The following EPHA7 variants were observed in gnomAD, a reference collection of about 807,000 sequenced individuals.
EPHA7 encodes ephrin type-A receptor 7.
EPHA7 carries 25 observed loss-of-function variants against 112.6 expected under a neutral mutation model. The observed-to-expected ratio is 0.22, with a 90% CI of 0.16 to 0.31. The LOEUF (loss-of-function observed/expected upper bound fraction) is 0.31. EPHA7 is among the 10% of genes least tolerant of loss of function. The pLI is 1.00. For missense variants in EPHA7, 962 were observed against 1,212.6 expected, an observed-to-expected ratio of 0.79 and a Z score of 3.07; for synonymous variants, 437 against 406.5, an observed-to-expected ratio of 1.07 and a Z score of -0.90.
chr6:93,316,569 C>T (rs1398640711), intron 5 of EPHA7, among the ~76,000 whole-genome samples: 1 of 152,058 alleles, frequency 6.6e-6, no homozygotes, highest in Non-Finnish European at 1.5e-5. Context: ...GCAATATATA[C>T]TCTTCTGAGT....
chr6:93,338,022 G>T (rs930762634), intron 5 of EPHA7, among the ~76,000 whole-genome samples: 2 of 151,848 alleles, frequency 1.3e-5, no homozygotes, highest in South Asian at 2.1e-4. Context: ...GGGAGGGAGA[G>T]AACAAAAGGG....
intron 5 of EPHA7, among the ~76,000 whole-genome samples, chr6:93,309,231 G>A (rs927513475): frequency 1.3e-5 from 2 of 152,314 alleles, no homozygotes; most frequent in Admixed American, 6.5e-5. Flanking sequence ...TTGCAGGCGT[G>A]AGCCACCGCA....
chr6:93,312,468 C>T (rs1773591140), intron 5 of EPHA7, among the ~76,000 whole-genome samples: 1 of 151,992 alleles, frequency 6.6e-6, no homozygotes, highest in African/African-American at 2.4e-5. Context: ...TGAGATTCCT[C>T]ATCTCTCTTA....
intron 5 of EPHA7, among the ~76,000 whole-genome samples, chr6:93,289,113 G>A (rs1772222212): frequency 6.6e-6 from 1 of 151,926 alleles, no homozygotes; most frequent in Non-Finnish European, 1.5e-5. Context: ...ATAAGTTCTA[G>A]GTTATTTATT....
intron 5 of EPHA7, among the ~76,000 whole-genome samples, chr6:93,280,520 C>A (rs1771680114): frequency 6.6e-6 from 1 of 152,132 alleles, no homozygotes; most frequent in African/African-American, 2.4e-5. Flanking sequence ...CACAATGTGT[C>A]ATTCAATTAT....
At chr6:93,286,543 A>G (rs542144682) in intron 5 of EPHA7, among the ~76,000 whole-genome samples, 1 of 152,138 alleles carries the variant, frequency 6.6e-6, no homozygotes, top group Non-Finnish European at 1.5e-5. Flanking sequence ...AGCAGAGGAG[A>G]GGGAGATCAC....
chr6:93,414,857 T>C (rs937598358), intron 1 of EPHA7, 90 bp from the exon 2 acceptor site: 6 of 988,304 alleles, frequency 6.1e-6, no homozygotes, highest in Non-Finnish European at 9.4e-6. Context: ...CATATAACTA[T>C]CACTATATGA....
At chr6:93,377,989 A>G (rs1392492906) in intron 3 of EPHA7, among the ~76,000 whole-genome samples, 1 of 152,098 alleles carries the variant, frequency 6.6e-6, no homozygotes, top group Non-Finnish European at 1.5e-5. Flanking sequence ...AAAGCCAATA[A>G]TAAATTAAAC....
At position 93,257,005 on chromosome 6, in the gene EPHA7, T is replaced by C. The variant is rs536072861; in HGVS notation, c.2172+457A>G. Among the ~76,000 whole-genome samples, 6 of 152,242 alleles carry C rather than the reference T, an allele frequency of 3.9e-5. No individual in the cohort carries two copies. In the East Asian group the frequency reaches 1.2e-3, roughly 29 times the overall value. The stretch of plus-strand genomic sequence containing the variant: ...TTACAAATAAACCACATACCATTAA[T>C]TTGAAAAATAATGTTAATAGTCATA... On this transcript the variant is annotated intron_variant, in intron 12 of 16. Transcript: ENST00000369303.
rs539135962 is a variant in EPHA7, at chr6:93,315,108, C to T, written c.1324+41609G>A. Among the ~76,000 whole-genome samples, 963 of 150,050 alleles carry T rather than the reference C, an allele frequency of 6.4e-3. 9 individuals carry two copies. Among genetic ancestry groups the T allele is most frequent in the Admixed American group, 0.012 (180 of 15,174 alleles). On this transcript the variant is annotated intron_variant, in intron 5 of 16. Transcript: ENST00000369303. The stretch of plus-strand genomic sequence containing the variant: ...CGATCTCCTGACCTCGTGATCCGCC[C>T]GCCTCGGCCTCCCAAAGTGCTGGGA...
chr6:93,357,537 A>G (rs1776012785), intron 4 of EPHA7, among the ~76,000 whole-genome samples: 1 of 152,230 alleles, frequency 6.6e-6, no homozygotes, highest in African/African-American at 2.4e-5. Flanking sequence ...CATTAATTGA[A>G]GAACCAAGAT....
intron 3 of EPHA7, among the ~76,000 whole-genome samples, chr6:93,362,420 T>C (rs191802627): frequency 9.5e-4 from 145 of 152,236 alleles, no homozygotes; most frequent in African/African-American, 3.3e-3. Context: ...ATTTAAATAA[T>C]ATTTTTAATT....
At chr6:93,318,566 T>C (rs1486574666) in intron 5 of EPHA7, among the ~76,000 whole-genome samples, 4 of 152,158 alleles carry the variant, frequency 2.6e-5, no homozygotes, top group African/African-American at 9.7e-5. Flanking sequence ...TATTTTCTGC[T>C]TAGTTTTTAA....
chr6:93,303,257 T>G (rs1320193447), intron 5 of EPHA7, among the ~76,000 whole-genome samples: 1 of 152,108 alleles, frequency 6.6e-6, no homozygotes, highest in Non-Finnish European at 1.5e-5. Flanking sequence ...GGCTCAATAT[T>G]CAAAATACAG....
intron 3 of EPHA7, among the ~76,000 whole-genome samples, chr6:93,391,794 C>A (rs1431429070): frequency 6.6e-6 from 1 of 151,698 alleles, no homozygotes; most frequent in Admixed American, 6.6e-5. Context: ...AAAAAAAATA[C>A]TCCACTTTCT....
intron 5 of EPHA7, among the ~76,000 whole-genome samples, chr6:93,322,136 T>A (rs147772935): frequency 6.6e-6 from 1 of 151,902 alleles, no homozygotes; most frequent in East Asian, 1.9e-4. Flanking sequence ...ACGCACATAT[T>A]TTATAAACAC....
chr6:93,353,886 AC>A (rs1397660680), intron 5 of EPHA7, among the ~76,000 whole-genome samples: 1 of 152,164 alleles, frequency 6.6e-6, no homozygotes, highest in East Asian at 1.9e-4. Flanking sequence ...TCACACAAAT[AC>A]TGGTAAAGGG....
rs138919194 is a variant in EPHA7 at position 93,258,299 on chromosome 6, C to T, written c.1925-15G>A. ...ACCGAATTCTCCTGAAGTAACAGAA[C>T]AAGCAGGCATATTTTAGTTTCTAAA... On this transcript the variant is annotated splice_polypyrimidine_tract_variant and intron_variant, in intron 10 of 16. Transcript: ENST00000369303. The T allele has an allele frequency of 1.1e-4, 166 of 1,533,878 alleles. No individual in the cohort carries two copies. In the Middle Eastern group the frequency reaches 2.1e-3, roughly 19 times the overall value.
In EPHA7 at chr6:93,351,712, C is replaced by T. The variant is rs74950460; in HGVS notation, c.1324+5005G>A. Among the ~76,000 whole-genome samples the T allele has an allele frequency of 6.5e-4, 99 of 151,816 alleles. 1 individual carries two copies. Among genetic ancestry groups the T allele is most frequent in the East Asian group, 6.2e-3 (32 of 5,132 alleles). Reference sequence around the variant, plus strand: ...CGTTGCCTATGGGGAAAATATGAGGCCAAAAAAGGTGACTCAACTTTGACA... The same window carrying T: ...CGTTGCCTATGGGGAAAATATGAGGTCAAAAAAGGTGACTCAACTTTGACA... On this transcript the variant is annotated intron_variant, in intron 5 of 16. Coordinates refer to ENST00000369303, the MANE Select transcript of EPHA7 (RefSeq NM_004440.4).
Sources: allele counts gnomAD v4.1 joint callset (sites outside exome capture counted in the v4.1 genomes callset), GRCh38; gene constraint gnomAD v4.1.1; transcripts MANE v1.5; gene names NCBI Gene and HGNC (gene_info 2026-07-23, HGNC 2026-07-21).